ADAM32: variants seen among roughly 807,000 people sequenced by gnomAD.
The protein encoded by ADAM32 is disintegrin and metalloproteinase domain-containing protein 32.
A neutral mutation model predicts 114.9 loss-of-function variants in ADAM32; 89 were observed. That is an observed-to-expected ratio of 0.77 (90% CI 0.65 to 0.92). The LOEUF (loss-of-function observed/expected upper bound fraction) is 0.92, where lower values mean the gene tolerates loss of function less well. ADAM32 is among the 40% of genes least tolerant of loss of function. ADAM32 has a pLI of 0.00. For synonymous variants in ADAM32, 285 were observed against 307.5 expected, an observed-to-expected ratio of 0.93 and a Z score of 0.77; for missense variants, 870 against 932.8, an observed-to-expected ratio of 0.93 and a Z score of 0.88.
chr8:39,180,469 C>T (rs1244873438), intron 10 of ADAM32, among the ~76,000 whole-genome samples: 1 of 152,248 alleles, frequency 6.6e-6, no homozygotes, highest in Non-Finnish European at 1.5e-5. Context: ...CCCCCTGCTC[C>T]ACGGCGCCCA....
At chr8:39,243,554 A>T (rs769286912) in intron 16 of ADAM32, among the ~76,000 whole-genome samples, 4 of 152,200 alleles carry the variant, frequency 2.6e-5, no homozygotes, top group South Asian at 2.1e-4. Flanking sequence ...ATAGACACAG[A>T]AAAAGCATTT....
intron 11 of ADAM32, among the ~76,000 whole-genome samples, chr8:39,194,303 G>A (rs1806808146): frequency 6.6e-6 from 1 of 152,132 alleles, no homozygotes; most frequent in Non-Finnish European, 1.5e-5. Context: ...TCAGTGCAAG[G>A]GTGGGGCTCA....
chr8:39,181,146 A>T (rs1416853737), intron 10 of ADAM32, among the ~76,000 whole-genome samples: 1 of 152,210 alleles, frequency 6.6e-6, no homozygotes, highest in Non-Finnish European at 1.5e-5. Flanking sequence ...CCTTTTCCAC[A>T]CTGTGGAAGC....
intron 19 of ADAM32, among the ~76,000 whole-genome samples, chr8:39,264,923 T>C (rs561516867): frequency 2.0e-5 from 3 of 152,218 alleles, no homozygotes; most frequent in Middle Eastern, 3.4e-3. Flanking sequence ...ATTGGTATGA[T>C]TGGTATGTGC....
intron 6 of ADAM32, 91 bp downstream of exon 6, chr8:39,151,639 A>T: frequency 1.2e-6 from 1 of 857,164 alleles, no homozygotes; most frequent in Non-Finnish European, 1.6e-6. Context: ...CCACTGTAGA[A>T]TTGTAGCAAA....
In ADAM32 at chr8:39,241,208, G is replaced by A. The variant is rs529378557; in HGVS notation, c.1819-4875G>A. On this transcript the variant is annotated intron_variant, in intron 16 of 24. Coordinates refer to ENST00000379907, the MANE Select transcript of ADAM32 (RefSeq NM_145004.7). The stretch of plus-strand genomic sequence containing the variant: ...GCAAGAGGTGGGCTCCCACAGCCTT[G>A]AGCAGCTCTGCACCTGTGACTTTGC... Among the ~76,000 whole-genome samples the A allele has an allele frequency of 2.0e-5, 3 of 152,336 alleles. No homozygotes were observed. The East Asian group carries it at 5.8e-4, about 29-fold the overall frequency.
chr8:39,181,343 C>T (rs908765633), intron 10 of ADAM32, among the ~76,000 whole-genome samples: 6 of 152,272 alleles, frequency 3.9e-5, no homozygotes, highest in South Asian at 2.1e-4. Flanking sequence ...ACACTCACTG[C>T]GAACGTCTGC....
chr8:39,253,946 C>G (rs1222204676), intron 17 of ADAM32, among the ~76,000 whole-genome samples: 1 of 151,112 alleles, frequency 6.6e-6, no homozygotes, highest in East Asian at 1.9e-4. Context: ...TAATTAGAAG[C>G]AATTTTTAAA....
intron 17 of ADAM32, among the ~76,000 whole-genome samples, chr8:39,250,410 C>G (rs1811214441): frequency 6.6e-6 from 1 of 151,850 alleles, no homozygotes; most frequent in Admixed American, 6.6e-5. Flanking sequence ...TGTTTTTGAT[C>G]TCTAGTACTT....
At chr8:39,190,286 TTC>T (rs1233091781) in intron 11 of ADAM32, among the ~76,000 whole-genome samples, 1 of 152,238 alleles carries the variant, frequency 6.6e-6, no homozygotes, top group Non-Finnish European at 1.5e-5. Flanking sequence ...TCTTTATCCA[TTC>T]ATCCACTGAT....
chr8:39,136,212 A>G (rs1186093097), intron 2 of ADAM32, among the ~76,000 whole-genome samples: 2 of 152,346 alleles, frequency 1.3e-5, no homozygotes, highest in African/African-American at 2.4e-5. Context: ...ATTTTGTTCA[A>G]TAATCTTCTG....
intron 1 of ADAM32, among the ~76,000 whole-genome samples, chr8:39,109,412 T>G (rs1202025100): frequency 2.0e-5 from 3 of 151,990 alleles, no homozygotes; most frequent in African/African-American, 7.3e-5. Flanking sequence ...CTGGGCGTGG[T>G]GGTGCGTGCC....
At chr8:39,238,537 A>G (rs1810348943) in intron 16 of ADAM32, among the ~76,000 whole-genome samples, 1 of 152,222 alleles carries the variant, frequency 6.6e-6, no homozygotes, top group African/African-American at 2.4e-5. Flanking sequence ...AACACTCCCA[A>G]AAGATCACAC....
At chr8:39,193,787 G>T (rs1235106882) in intron 11 of ADAM32, among the ~76,000 whole-genome samples, 2 of 152,126 alleles carry the variant, frequency 1.3e-5, no homozygotes, top group Non-Finnish European at 2.9e-5. Context: ...CAGGATTCCT[G>T]GACTGCATGC....
At chr8:39,240,087 A>G (rs1460906698) in intron 16 of ADAM32, among the ~76,000 whole-genome samples, 1 of 152,228 alleles carries the variant, frequency 6.6e-6, no homozygotes, top group Non-Finnish European at 1.5e-5. Flanking sequence ...CTTAACAGGT[A>G]TTTACAGAAC....
At chr8:39,189,772 C>T (rs1367581353) in intron 11 of ADAM32, among the ~76,000 whole-genome samples, 1 of 152,100 alleles carries the variant, frequency 6.6e-6, no homozygotes, top group Non-Finnish European at 1.5e-5. Context: ...CCCACTCTTC[C>T]CAGTCTCTGG....
chr8:39,162,725 C>T (rs768166388), intron 7 of ADAM32, among the ~76,000 whole-genome samples: 45 of 152,018 alleles, frequency 3.0e-4, no homozygotes, highest in Non-Finnish European at 8.8e-5. Flanking sequence ...AACCCTTGGT[C>T]GGGTGTGGTG....
At chr8:39,129,132 T>C (rs1030876182) in intron 2 of ADAM32, among the ~76,000 whole-genome samples, 3 of 151,694 alleles carry the variant, frequency 2.0e-5, no homozygotes, top group African/African-American at 4.8e-5. Context: ...TGTCTTTTTT[T>C]TTTTTTTGTG....
chr8:39,152,519 C>G (rs924977727), intron 6 of ADAM32, among the ~76,000 whole-genome samples: 2 of 151,650 alleles, frequency 1.3e-5, no homozygotes, highest in African/African-American at 4.9e-5. Context: ...GTCAGGAGTT[C>G]AAGACCAGCC....
Sources: gnomAD v4.1 joint callset for allele counts (sites outside exome capture counted in the v4.1 genomes callset) on GRCh38, gnomAD v4.1.1 for gene constraint, MANE v1.5 for transcripts, NCBI Gene and HGNC (gene_info 2026-07-23, HGNC 2026-07-21) for gene names.